Variants in TRPM3 observed in about 807,000 individuals in gnomAD.
TRPM3 encodes long transient receptor potential channel 3.
In TRPM3, 77 loss-of-function variants were observed where a neutral mutation model predicts 181.2. The ratio of observed to expected loss-of-function variants is 0.42; its 90% CI spans 0.35 to 0.51. The LOEUF (loss-of-function observed/expected upper bound fraction) is 0.51. TRPM3 is among the 20% of genes least tolerant of loss of function. The pLI, the probability that TRPM3 is intolerant of heterozygous loss-of-function variation, is 0.01. For missense variants in TRPM3, 1,759 were observed against 2,196.7 expected (o/e 0.80, Z 3.98); for synonymous variants, 745 against 796.4 (o/e 0.94, Z 1.09).
intron 1 of TRPM3, among the ~76,000 whole-genome samples, chr9:71,012,253 A>G (rs1254470101): frequency 6.6e-6 from 1 of 152,116 alleles, no homozygotes; most frequent in Non-Finnish European, 1.5e-5. Context: ...ATTTTTAGAG[A>G]TTAGAGATAT....
chr9:71,346,772 A>G (rs1430451071), intron 1 of TRPM3, among the ~76,000 whole-genome samples: 1 of 152,212 alleles, frequency 6.6e-6, no homozygotes, highest in East Asian at 1.9e-4. Context: ...GCAGCTGTGT[A>G]CAGAAGGGAA....
chr9:70,686,712 T>TCCTC, intron 8 of TRPM3, among the ~76,000 whole-genome samples: 1 of 127,574 alleles, frequency 7.8e-6, no homozygotes, highest in African/African-American at 3.0e-5. Context: ...CTTCCTTCCT[T>TCCTC]CCTTCCTTCC....
chr9:70,611,679 C>CTAA (rs941027649), intron 18 of TRPM3, among the ~76,000 whole-genome samples: 14 of 152,296 alleles, frequency 9.2e-5, no homozygotes, highest in African/African-American at 2.9e-4. Context: ...CCTTGGTTCC[C>CTAA]TAATTTTAAA....
At chr9:70,570,115 ACT>A (rs1261404091) in intron 22 of TRPM3, among the ~76,000 whole-genome samples, 1 of 151,670 alleles carries the variant, frequency 6.6e-6, no homozygotes, top group Non-Finnish European at 1.5e-5. Flanking sequence ...AGATTTTGGG[ACT>A]CTGTATTTGT....
intron 1 of TRPM3, among the ~76,000 whole-genome samples, chr9:71,141,336 T>A (rs1213668553): frequency 1.3e-5 from 2 of 152,066 alleles, no homozygotes; most frequent in African/African-American, 4.8e-5. Context: ...ATTTTGAGCT[T>A]TTCAGAAAAA....
intron 22 of TRPM3, among the ~76,000 whole-genome samples, chr9:70,562,266 T>G (rs544434195): frequency 5.4e-4 from 82 of 152,308 alleles, no homozygotes; most frequent in Middle Eastern, 3.4e-3. Flanking sequence ...ATTTTGTCAC[T>G]CCACGATTCC....
intron 1 of TRPM3, among the ~76,000 whole-genome samples, chr9:70,887,246 G>A (rs1312324033): frequency 1.3e-5 from 2 of 152,132 alleles, no homozygotes; most frequent in African/African-American, 2.4e-5. Flanking sequence ...AGCTCAAATT[G>A]TGTCCTGTCA....
chr9:71,284,320 C>G (rs1383192670), intron 1 of TRPM3, among the ~76,000 whole-genome samples: 1 of 152,150 alleles, frequency 6.6e-6, no homozygotes, highest in East Asian at 1.9e-4. Context: ...GGATAATCAT[C>G]CAGAGTTTTT....
chr9:71,235,589 T>A lies in TRPM3; in HGVS notation c.183+211064A>T, dbSNP rs1436084642. 3.9e-5 allele frequency among the ~76,000 whole-genome samples: 6 copies of A among 152,238 alleles called. No individual in the cohort carries two copies. In the East Asian group the frequency reaches 1.2e-3, roughly 29 times the overall value. On this transcript the variant is annotated intron_variant, in intron 1 of 24. Transcript: ENST00000357533. ...TAGTGTCTATGTTTTATGAGCTATA[T>A]CTTCCAGAGTTTCTGATCACTAATA...
At chr9:71,433,139 A>T (rs2093982744) in intron 1 of TRPM3, among the ~76,000 whole-genome samples, 1 of 152,172 alleles carries the variant, frequency 6.6e-6, no homozygotes, top group South Asian at 2.1e-4. Context: ...CTTCACTGGT[A>T]CTTCTTTGCA....
At chr9:70,742,702 A>G (rs2074381597) in intron 8 of TRPM3, among the ~76,000 whole-genome samples, 1 of 152,194 alleles carries the variant, frequency 6.6e-6, no homozygotes, top group Admixed American at 6.6e-5. Context: ...ATCTCACAGC[A>G]TCTTTGAGTT....
intron 8 of TRPM3, chr9:70,761,380 T>C: frequency 1.5e-6 from 1 of 672,246 alleles, no homozygotes; most frequent in East Asian, 2.7e-5. Context: ...CAAAAGGAAA[T>C]GATGCTAAAA....
At chr9:71,168,974 T>C (rs1375583888) in intron 1 of TRPM3, among the ~76,000 whole-genome samples, 2 of 152,100 alleles carry the variant, frequency 1.3e-5, no homozygotes, top group African/African-American at 4.8e-5. Flanking sequence ...GCCATGGATA[T>C]AAAAAAGCAT....
intron 1 of TRPM3, among the ~76,000 whole-genome samples, chr9:71,087,554 C>T (rs980525003): frequency 2.4e-4 from 36 of 152,160 alleles, no homozygotes; most frequent in African/African-American, 8.2e-4. Context: ...TGTCTTGATA[C>T]CCTTGTAGAA....
At chr9:71,120,738 T>C (rs1381973084) in intron 1 of TRPM3, among the ~76,000 whole-genome samples, 1 of 152,178 alleles carries the variant, frequency 6.6e-6, no homozygotes, top group East Asian at 1.9e-4. Context: ...AATCCTTTGT[T>C]CTCTCTGGTT....
chr9:71,074,126 G>T (rs140922855), intron 1 of TRPM3, among the ~76,000 whole-genome samples: 1 of 152,190 alleles, frequency 6.6e-6, no homozygotes, highest in East Asian at 1.9e-4. Context: ...TCACCAGCCC[G>T]CAATTAATTC....
intron 8 of TRPM3, among the ~76,000 whole-genome samples, chr9:70,752,089 G>T (rs1179827043): frequency 6.6e-6 from 1 of 151,270 alleles, no homozygotes; most frequent in African/African-American, 2.4e-5. Context: ...CAACCTGAAA[G>T]GCTGAGTTTA....
chr9:70,806,913 T>C lies in TRPM3; in HGVS notation c.973+20934A>G, dbSNP rs181714341. Among the ~76,000 whole-genome samples, 496 of 152,240 alleles carry C rather than the reference T, an allele frequency of 3.3e-3. 2 individuals carry two copies. Among genetic ancestry groups the C allele is most frequent in the Non-Finnish European group, 5.6e-3 (383 of 68,010 alleles). ...TAATTATAAATCCTAAGAAGGGACT[T>C]TGAAGGGTCCTATGATAAAGTCCCT... On this transcript the variant is annotated intron_variant, in intron 6 of 25. Transcript: ENST00000677713.
chr9:70,591,316 T>G (rs2058071440), intron 21 of TRPM3, 111 bp from the exon 22 acceptor site: 1 of 846,742 alleles, frequency 1.2e-6, no homozygotes, highest in Admixed American at 2.2e-5. Context: ...CTTTCTAGAC[T>G]GCTGGGAAGG....
Sources: allele counts gnomAD v4.1 joint callset (sites outside exome capture counted in the v4.1 genomes callset), GRCh38; gene constraint gnomAD v4.1.1; transcripts MANE v1.5; gene names NCBI Gene and HGNC (gene_info 2026-07-23, HGNC 2026-07-21).